ADGRB3: variants seen among roughly 807,000 people sequenced by gnomAD.
ADGRB3 encodes brain-specific angiogenesis inhibitor 3.
In ADGRB3, 37 loss-of-function variants were observed where a neutral mutation model predicts 193.4. The ratio of observed to expected loss-of-function variants is 0.19; its 90% confidence interval spans 0.15 to 0.25. The LOEUF is 0.25. Among genes scored for constraint, ADGRB3 ranks in the 10% least tolerant of loss-of-function variants. The probability of loss-of-function intolerance (pLI) is 1.00; values close to 1 mark genes in which losing one functional copy is unlikely to be tolerated. For synonymous variants in ADGRB3, 690 were observed against 644.2 expected (o/e 1.07, Z -1.08); for missense variants, 1,637 against 1,852.9 (o/e 0.88, Z 2.14).
At chr6:69,319,634 A>G (rs546571386) in intron 20 of ADGRB3, among the ~76,000 whole-genome samples, 1 of 151,418 alleles carries the variant, frequency 6.6e-6, no homozygotes, top group African/African-American at 2.4e-5. Flanking sequence ...TTTTATAAAG[A>G]TGTGTTCCTT....
At chr6:68,991,379 T>C (rs1462888259) in intron 10 of ADGRB3, among the ~76,000 whole-genome samples, 1 of 147,778 alleles carries the variant, frequency 6.8e-6, no homozygotes, top group Non-Finnish European at 1.5e-5. Flanking sequence ...GGCAGAAAAA[T>C]GAAAAAAACA....
intron 3 of ADGRB3, among the ~76,000 whole-genome samples, chr6:68,657,111 C>T (rs559055115): frequency 6.6e-6 from 1 of 151,514 alleles, no homozygotes; most frequent in African/African-American, 2.4e-5. Flanking sequence ...TAGGCTTCCA[C>T]TCTTACATCA....
intron 3 of ADGRB3, among the ~76,000 whole-genome samples, chr6:68,821,293 A>C (rs1767744067): frequency 6.6e-6 from 1 of 152,004 alleles, no homozygotes; most frequent in Admixed American, 6.6e-5. Flanking sequence ...CTTCAGTCTA[A>C]AAACAGCAAA....
At chr6:68,825,804 A>G (rs1430414683) in intron 3 of ADGRB3, among the ~76,000 whole-genome samples, 1 of 152,282 alleles carries the variant, frequency 6.6e-6, no homozygotes, top group African/African-American at 2.4e-5. Context: ...TGCTTTCCGC[A>G]ATGATTGTAA....
intron 3 of ADGRB3, among the ~76,000 whole-genome samples, chr6:68,803,278 T>G (rs1767345275): frequency 6.6e-6 from 1 of 152,178 alleles, no homozygotes; most frequent in Admixed American, 6.5e-5. Flanking sequence ...TACAGGACCC[T>G]CCAGGCTATC....
chr6:69,256,055 G>C (rs1766761971), intron 20 of ADGRB3, among the ~76,000 whole-genome samples: 2 of 151,720 alleles, frequency 1.3e-5, no homozygotes, highest in Non-Finnish European at 2.9e-5. Context: ...CTGTTCCATT[G>C]ATCTATATCT....
At chr6:68,924,406 A>C (rs140101293) in intron 3 of ADGRB3, among the ~76,000 whole-genome samples, 1,965 of 152,160 alleles carry the variant, frequency 0.013, 16 homozygotes, top group Non-Finnish European at 0.019. Context: ...CAAATGTTTG[A>C]GGAGTTCCAA....
At chr6:69,024,898 C>A (rs1046610541) in intron 13 of ADGRB3, among the ~76,000 whole-genome samples, 1 of 151,994 alleles carries the variant, frequency 6.6e-6, no homozygotes, top group African/African-American at 2.4e-5. Flanking sequence ...CGAGACCATC[C>A]TGGCTAACAT....
At chr6:69,075,897 A>T in intron 16 of ADGRB3, 98 bp from the exon 17 acceptor site, 1 of 897,516 alleles carries the variant, frequency 1.1e-6, no homozygotes, top group South Asian at 1.6e-5. Context: ...TTACCACAAG[A>T]TAAGAAATCT....
At chr6:69,020,349 G>A (rs1408562301) in intron 13 of ADGRB3, among the ~76,000 whole-genome samples, 1 of 151,960 alleles carries the variant, frequency 6.6e-6, no homozygotes, top group African/African-American at 2.4e-5. Flanking sequence ...CAGAATCACA[G>A]CGTATCACAT....
At chr6:68,774,701 A>T (rs1766704919) in intron 3 of ADGRB3, among the ~76,000 whole-genome samples, 1 of 152,112 alleles carries the variant, frequency 6.6e-6, no homozygotes, top group Admixed American at 6.6e-5. Flanking sequence ...TCTAAAAAAC[A>T]TCCAAAAGAT....
chr6:68,747,994 C>A (rs1766118215), intron 3 of ADGRB3, among the ~76,000 whole-genome samples: 1 of 152,102 alleles, frequency 6.6e-6, no homozygotes, highest in Non-Finnish European at 1.5e-5. Context: ...AGTGGAAACC[C>A]AGATAAACAC....
Position 68,848,690 on chromosome 6 carries a change from A to G in ADGRB3, c.758-81869A>G, listed in dbSNP as rs189259293. ...AAATTTCTAAATTTTATAATTTCTA[A>G]ATCAATAGAGCAAAGGAAAATTTTG... is the stretch of plus-strand genomic sequence containing the variant. On this transcript the variant is annotated intron_variant, in intron 3 of 31. Coordinates refer to ENST00000370598, the MANE Select transcript of ADGRB3 (RefSeq NM_001704.3). 7.2e-5 allele frequency among the ~76,000 whole-genome samples: 11 copies of G among 152,150 alleles called. No homozygotes were observed. In the East Asian group the frequency reaches 2.1e-3, roughly 29 times the overall value.
intron 20 of ADGRB3, among the ~76,000 whole-genome samples, chr6:69,248,610 G>T (rs1385270272): frequency 6.6e-6 from 1 of 152,318 alleles, no homozygotes; most frequent in South Asian, 2.1e-4. Context: ...GGGCCATATA[G>T]TAAATACTTT....
intron 16 of ADGRB3, among the ~76,000 whole-genome samples, chr6:69,063,650 G>C (rs1015321268): frequency 6.6e-6 from 1 of 151,846 alleles, no homozygotes; most frequent in Non-Finnish European, 1.5e-5. Context: ...ATCAGGGAAG[G>C]CTTATTATAA....
At chr6:68,697,395 C>T (rs915665344) in intron 3 of ADGRB3, among the ~76,000 whole-genome samples, 2 of 151,694 alleles carry the variant, frequency 1.3e-5, no homozygotes, top group Non-Finnish European at 2.9e-5. Context: ...TTTTTCTCTT[C>T]GAGCATGTAA....
chr6:69,367,882 A>T (rs1020177682), intron 29 of ADGRB3, among the ~76,000 whole-genome samples: 2 of 151,620 alleles, frequency 1.3e-5, no homozygotes, highest in African/African-American at 4.8e-5. Flanking sequence ...ATTCTCCGTA[A>T]ACTATCGCAA....
intron 3 of ADGRB3, among the ~76,000 whole-genome samples, chr6:68,787,871 G>A (rs1022464187): frequency 1.3e-5 from 2 of 152,134 alleles, no homozygotes; most frequent in African/African-American, 2.4e-5. Flanking sequence ...CTTCTTCCTG[G>A]TTTAGTCTTG....
chr6:69,226,648 T>C (rs551380333), intron 17 of ADGRB3, among the ~76,000 whole-genome samples: 1 of 152,376 alleles, frequency 6.6e-6, no homozygotes, highest in East Asian at 1.9e-4. Flanking sequence ...TTTTAGTGGC[T>C]TAAAACAACA....
Sources: gnomAD v4.1 joint callset for allele counts (sites outside exome capture counted in the v4.1 genomes callset) on GRCh38, gnomAD v4.1.1 for gene constraint, MANE v1.5 for transcripts, NCBI Gene and HGNC (gene_info 2026-07-23, HGNC 2026-07-21) for gene names.